POPDC1: variants seen among roughly 807,000 people sequenced by gnomAD.
The protein encoded by POPDC1 is popeye domain cAMP effector 1.
chr6:105,132,936 T>C, the POPDC1 span, among the ~76,000 whole-genome samples: 1 of 152,224 alleles, frequency 6.6e-6, no homozygotes, highest in African/African-American at 2.4e-5. Flanking sequence ...ACACATTTAA[T>C]TCACAACAAC....
chr6:105,100,539 TATGTATA>T, the POPDC1 span: 1 of 33,920 alleles, frequency 2.9e-5, no homozygotes, highest in African/African-American at 7.6e-5. Context: ...TGTATGTGTG[TATGTATA>T]TATATGTATA....
At chr6:105,119,745 C>T in the POPDC1 span, among the ~76,000 whole-genome samples, 1 of 152,210 alleles carries the variant, frequency 6.6e-6, no homozygotes, top group African/African-American at 2.4e-5. Flanking sequence ...TTAGATGATA[C>T]ATAAGGCTGT....
the POPDC1 span, among the ~76,000 whole-genome samples, chr6:105,125,071 G>A: frequency 6.6e-6 from 1 of 152,210 alleles, no homozygotes; most frequent in African/African-American, 2.4e-5. Context: ...TCTGGAGCAT[G>A]CATAAGCTTT....
chr6:105,101,331 G>T, the POPDC1 span: 1 of 1,105,618 alleles, frequency 9.0e-7, no homozygotes. Flanking sequence ...ATCACTAGCA[G>T]CACCAAGAAC....
chr6:105,116,165 AACG>A, the POPDC1 span, among the ~76,000 whole-genome samples: 2 of 152,196 alleles, frequency 1.3e-5, no homozygotes, highest in Non-Finnish European at 2.9e-5. Context: ...TTATCACAGA[AACG>A]ACGTTTTTAA....
the POPDC1 span, chr6:105,116,920 T>G: frequency 1.3e-6 from 2 of 1,523,712 alleles, no homozygotes; most frequent in Admixed American, 3.8e-5. Context: ...GTATATGAAT[T>G]ATGACTATAG....
chr6:105,124,502 A>T, the POPDC1 span: 1 of 1,351,236 alleles, frequency 7.4e-7, no homozygotes, highest in Non-Finnish European at 1.1e-6. Flanking sequence ...TCTGAATGAG[A>T]TGCAAACTAG....
the POPDC1 span, among the ~76,000 whole-genome samples, chr6:105,124,819 A>C: frequency 1.3e-5 from 2 of 152,214 alleles, no homozygotes; most frequent in African/African-American, 2.4e-5. Flanking sequence ...CAAGTATTTC[A>C]AAAAATAACG....
chr6:105,112,251 G>A, the POPDC1 span, among the ~76,000 whole-genome samples: 12 of 152,308 alleles, frequency 7.9e-5, no homozygotes, highest in East Asian at 2.3e-3. Flanking sequence ...CACACACACA[G>A]AGACAGAGAG....
the POPDC1 span, among the ~76,000 whole-genome samples, chr6:105,126,772 T>C: frequency 2.0e-5 from 3 of 152,156 alleles, no homozygotes; most frequent in African/African-American, 4.8e-5. Context: ...TGCACCAATA[T>C]AGAAAAACAA....
At chr6:105,133,353 T>C in the POPDC1 span, 21 of 1,609,030 alleles carry the variant, frequency 1.3e-5, no homozygotes, top group Non-Finnish European at 1.7e-5. Flanking sequence ...GTATCTTACC[T>C]AGAGTTAACA....
chr6:105,120,284 A>C, the POPDC1 span, among the ~76,000 whole-genome samples: 1 of 149,166 alleles, frequency 6.7e-6, no homozygotes, highest in African/African-American at 2.5e-5. Flanking sequence ...AAAAAAAAAA[A>C]AAAAAAAAAA....
chr6:105,116,010 T>C, the POPDC1 span, among the ~76,000 whole-genome samples: 1 of 152,046 alleles, frequency 6.6e-6, no homozygotes, highest in Non-Finnish European at 1.5e-5. Context: ...TATAAATATA[T>C]TATACAAAAT....
At chr6:105,121,037 A>G in the POPDC1 span, among the ~76,000 whole-genome samples, 2 of 152,188 alleles carry the variant, frequency 1.3e-5, no homozygotes, top group African/African-American at 4.8e-5. Flanking sequence ...ATTAAAACTT[A>G]GTGTTCATTT....
the POPDC1 span, among the ~76,000 whole-genome samples, chr6:105,115,516 T>C: frequency 7.0e-4 from 106 of 152,384 alleles, no homozygotes; most frequent in African/African-American, 2.5e-3. Context: ...TTAGCTCATA[T>C]GCAATATGGG....
the POPDC1 span, among the ~76,000 whole-genome samples, chr6:105,105,741 T>C: frequency 1.5e-5 from 1 of 67,752 alleles, no homozygotes; most frequent in Non-Finnish European, 5.2e-5. Context: ...TGGTTTTTCA[T>C]TAATTTTACG....
At chr6:105,121,507 A>G in the POPDC1 span, among the ~76,000 whole-genome samples, 1 of 152,026 alleles carries the variant, frequency 6.6e-6, no homozygotes, top group African/African-American at 2.4e-5. Flanking sequence ...ACCTCAGGTG[A>G]TCCACCCGCC....
chr6:105,105,896 G>A, the POPDC1 span, among the ~76,000 whole-genome samples: 1 of 152,262 alleles, frequency 6.6e-6, no homozygotes, highest in African/African-American at 2.4e-5. Context: ...GTTACTGTAA[G>A]GTTCATGATC....
At chr6:105,135,854 C>T in the POPDC1 span, among the ~76,000 whole-genome samples, 1 of 152,106 alleles carries the variant, frequency 6.6e-6, no homozygotes, top group Admixed American at 6.5e-5. Flanking sequence ...AAGTGGCTTA[C>T]ACTTAACAAT....
Sources: gnomAD v4.1 joint callset for allele counts (sites outside exome capture counted in the v4.1 genomes callset) on GRCh38, gnomAD v4.1.1 for gene constraint, MANE v1.5 for transcripts, NCBI Gene and HGNC (gene_info 2026-07-23, HGNC 2026-07-21) for gene names.